The following HSF5 variants were observed in gnomAD, a reference collection of about 807,000 sequenced individuals.
HSF5 encodes heat shock factor protein 5.
A neutral mutation model predicts 50.8 loss-of-function variants in HSF5; 5 were observed. The observed-to-expected ratio is 0.10, with a 90% CI of 0.05 to 0.21. The LOEUF is 0.21. Ranked by LOEUF, HSF5 falls within the 10% of genes least tolerant of loss-of-function variation. The pLI is 1.00. For synonymous variants in HSF5, 307 were observed against 307.4 expected (o/e 1.00, Z 0.02); for missense variants, 564 against 762.6 (o/e 0.74, Z 3.07).
At chr17:58,482,535 C>A (rs969501968) in intron 1 of HSF5, among the ~76,000 whole-genome samples, 1 of 151,166 alleles carries the variant, frequency 6.6e-6, no homozygotes, top group African/African-American at 2.4e-5. Context: ...ATGGAGAAAC[C>A]CCGTCTCTAC....
chr17:58,445,783 A>G (rs1974553325), intron 5 of HSF5, among the ~76,000 whole-genome samples: 1 of 152,178 alleles, frequency 6.6e-6, no homozygotes, highest in Non-Finnish European at 1.5e-5. Flanking sequence ...CAAGATAAAA[A>G]TGTTCTAGAG....
intron 5 of HSF5, among the ~76,000 whole-genome samples, chr17:58,442,016 T>C (rs1446593561): frequency 6.6e-6 from 1 of 152,212 alleles, no homozygotes; most frequent in African/African-American, 2.4e-5. Flanking sequence ...GAAAAGAATT[T>C]CATAATACTC....
At chr17:58,439,539 C>G (rs1198136677) in intron 5 of HSF5, among the ~76,000 whole-genome samples, 2 of 151,740 alleles carry the variant, frequency 1.3e-5, no homozygotes, top group East Asian at 3.9e-4. Flanking sequence ...GGCTAAAGTG[C>G]AATAGCGCGA....
intron 5 of HSF5, among the ~76,000 whole-genome samples, chr17:58,423,774 C>T (rs1281546360): frequency 3.3e-5 from 5 of 151,746 alleles, no homozygotes; most frequent in East Asian, 1.9e-4. Context: ...CCACTGCGCC[C>T]GGCCCAGGGA....
At chr17:58,437,223 G>C (rs1480544702) in intron 5 of HSF5, among the ~76,000 whole-genome samples, 1 of 152,066 alleles carries the variant, frequency 6.6e-6, no homozygotes, top group Non-Finnish European at 1.5e-5. Flanking sequence ...GTGAACCCTA[G>C]AAAGTCTCAG....
intron 2 of HSF5, chr17:58,476,999 A>G (rs1246568696): frequency 8.6e-6 from 5 of 582,000 alleles, no homozygotes; most frequent in African/African-American, 7.5e-5. Flanking sequence ...CTAAGGGAAC[A>G]GGCAGGCAGC....
intron 5 of HSF5, among the ~76,000 whole-genome samples, chr17:58,445,011 T>C (rs1974540581): frequency 6.6e-6 from 1 of 151,662 alleles, no homozygotes; most frequent in Non-Finnish European, 1.5e-5. Flanking sequence ...ATCAGAGAAA[T>C]GTAAAAAAAA....
intron 2 of HSF5, among the ~76,000 whole-genome samples, chr17:58,470,243 A>G (rs914819172): frequency 3.9e-5 from 6 of 152,230 alleles, no homozygotes; most frequent in Non-Finnish European, 7.3e-5. Context: ...AAAATTTACA[A>G]CAGCCAAAAG....
intron 5 of HSF5, among the ~76,000 whole-genome samples, chr17:58,433,575 G>A (rs1974390085): frequency 6.6e-6 from 1 of 152,198 alleles, no homozygotes; most frequent in African/African-American, 2.4e-5. Flanking sequence ...GAAAGTTGAA[G>A]AGTATTCAGT....
intron 5 of HSF5, among the ~76,000 whole-genome samples, chr17:58,448,133 CAAA>C (rs33943640): frequency 7.9e-3 from 649 of 82,014 alleles, no homozygotes; most frequent in Non-Finnish European, 0.012. Context: ...GAACCTGTCT[CAAA>C]AAAAAAAAAA....
At chr17:58,479,796 G>T in intron 2 of HSF5, 97 bp downstream of exon 2, 1 of 1,091,452 alleles carries the variant, frequency 9.2e-7, no homozygotes. Flanking sequence ...TACTGTTTGT[G>T]TTAAAGCACA....
chr17:58,425,980 A>G (rs180821556), intron 5 of HSF5, among the ~76,000 whole-genome samples: 1 of 152,368 alleles, frequency 6.6e-6, no homozygotes, highest in Non-Finnish European at 1.5e-5. Context: ...ACCAAAAAGA[A>G]TAACACCTAA....
chr17:58,445,957 A>C (rs1974555939), intron 5 of HSF5, among the ~76,000 whole-genome samples: 1 of 152,004 alleles, frequency 6.6e-6, no homozygotes, highest in African/African-American at 2.4e-5. Flanking sequence ...CCAACATGGC[A>C]AAACCCTGTC....
chr17:58,431,713 A>G (rs1447878346), intron 5 of HSF5, among the ~76,000 whole-genome samples: 2 of 152,230 alleles, frequency 1.3e-5, no homozygotes, highest in African/African-American at 4.8e-5. Flanking sequence ...AGAGAACTGT[A>G]GAAGACACCA....
intron 5 of HSF5, among the ~76,000 whole-genome samples, chr17:58,437,627 T>C (rs1361748223): frequency 6.6e-6 from 1 of 152,220 alleles, no homozygotes; most frequent in East Asian, 1.9e-4. Flanking sequence ...TTTTACAGCA[T>C]ATACTTTCTT....
intron 1 of HSF5, among the ~76,000 whole-genome samples, chr17:58,480,762 GCTATCTATCTATCTAT>G (rs59278255): frequency 9.6e-5 from 14 of 146,486 alleles, no homozygotes; most frequent in Admixed American, 1.4e-4. Flanking sequence ...AACGCTCTTT[GCTATCTATCTATCTAT>G]CTATCTATCT....
intron 5 of HSF5, among the ~76,000 whole-genome samples, chr17:58,450,157 G>A (rs1196579164): frequency 1.3e-5 from 2 of 151,346 alleles, no homozygotes; most frequent in African/African-American, 4.9e-5. Context: ...CCAACATGGT[G>A]AAATTCTGTT....
intron 2 of HSF5, chr17:58,476,704 C>A: frequency 6.3e-7 from 1 of 1,588,960 alleles, no homozygotes; most frequent in Non-Finnish European, 8.6e-7. Flanking sequence ...TGTTGTTATC[C>A]AAAAATGTGG....
At chr17:58,460,668 C>A (rs976205804) in intron 4 of HSF5, among the ~76,000 whole-genome samples, 4 of 151,286 alleles carry the variant, frequency 2.6e-5, no homozygotes, top group Non-Finnish European at 4.4e-5. Flanking sequence ...CACCACCACG[C>A]CCGGCTAATT....
Sources: allele counts gnomAD v4.1 joint callset (sites outside exome capture counted in the v4.1 genomes callset), GRCh38; gene constraint gnomAD v4.1.1; transcripts MANE v1.5; gene names NCBI Gene and HGNC (gene_info 2026-07-23, HGNC 2026-07-21).